The following CCNT2 variants were observed in gnomAD, a reference collection of about 807,000 sequenced individuals.
CCNT2 encodes the protein cyclin-T2.
In CCNT2, 18 loss-of-function variants were observed where a neutral mutation model predicts 70.0. The observed-to-expected ratio is 0.26, with a 90% confidence interval of 0.18 to 0.38. The LOEUF is 0.38. Among genes scored for constraint, CCNT2 ranks in the 10% least tolerant of loss-of-function variants. The pLI is 1.00. For missense variants in CCNT2, 734 were observed against 890.2 expected (o/e 0.82, Z 2.23); for synonymous variants, 334 against 313.3 (o/e 1.07, Z -0.70).
intron 5 of CCNT2, chr2:134,943,318 T>C (rs1189809487): frequency 1.9e-6 from 1 of 518,524 alleles, no homozygotes; most frequent in African/African-American, 2.1e-5. Context: ...GGAGGATGGC[T>C]TGAGCCCAGT....
At chr2:134,926,162 T>A (rs902414194) in intron 2 of CCNT2, among the ~76,000 whole-genome samples, 1 of 152,168 alleles carries the variant, frequency 6.6e-6, no homozygotes, top group Non-Finnish European at 1.5e-5. Context: ...CAGTGTGATT[T>A]GTCACTTTAA....
intron 2 of CCNT2, among the ~76,000 whole-genome samples, chr2:134,923,845 G>A (rs532523339): frequency 1.3e-5 from 2 of 152,084 alleles, no homozygotes; most frequent in Non-Finnish European, 2.9e-5. Flanking sequence ...ACTTTTTCCT[G>A]TTCTAGTATA....
At chr2:134,926,634 G>A (rs1204612700) in intron 2 of CCNT2, among the ~76,000 whole-genome samples, 2 of 152,230 alleles carry the variant, frequency 1.3e-5, no homozygotes, top group East Asian at 3.9e-4. Context: ...TCCAGTGAAT[G>A]TCTTTTGGCT....
chr2:134,952,177 G>C (rs1559113998), intron 7 of CCNT2, among the ~76,000 whole-genome samples: 1 of 152,190 alleles, frequency 6.6e-6, no homozygotes, highest in Non-Finnish European at 1.5e-5. Context: ...TATCCTTAAA[G>C]TGGTTTCTGC....
At position 134,957,193 on chromosome 2, in the gene CCNT2, A is replaced by G. The variant is rs1269198173; in HGVS notation, c.*2545A>G. 1 of 152,154 alleles carries G rather than the reference A, an allele frequency of 6.6e-6. No individual in the cohort carries two copies. Among genetic ancestry groups the G allele is most frequent in the African/African-American group, 2.4e-5 (1 of 41,442 alleles). The allele number at this position is 152,154 out of a possible 1,614,324, so 9.4% of individuals were successfully genotyped here. A position where few individuals can be genotyped will look rare whatever the true frequency, so the allele number is the denominator to read the frequency against. On this transcript the variant is annotated 3_prime_UTR_variant, in exon 9 of 9. Coordinates refer to ENST00000264157, the MANE Select transcript of CCNT2 (RefSeq NM_058241.3). ...ATCCATCTCATTTGCATAACAGTTC[A>G]TCTGTCTGGTCCCATTAGGCTCTAC...
chr2:134,943,057 A>G lies in CCNT2; in HGVS notation c.493+383A>G, dbSNP rs747006288. ...CTTTGACTTTTTGAAAAGTGATAAC[A>G]GTTGAAGAATTTTGAGGCCAACCTC... On this transcript the variant is annotated intron_variant, in intron 5 of 8. Transcript: ENST00000264157. 1.1e-5 allele frequency: 11 copies of G among 985,260 alleles called. No homozygotes were observed. In the African/African-American group the frequency reaches 1.9e-4, roughly 17 times the overall value. 61.0% of individuals were successfully genotyped at this position (985,260 alleles called of 1,614,324 possible). A position where few individuals can be genotyped will look rare whatever the true frequency, so the allele number is the denominator to read the frequency against.
chr2:134,918,852 G>C lies in CCNT2; in HGVS notation c.-3G>C. 6.2e-7 allele frequency: 1 copy of C among 1,612,224 alleles called. No individual in the cohort carries two copies. The highest frequency in any genetic ancestry group is 8.5e-7 in the Non-Finnish European group (1 of 1,178,938). ...TGAAGGAGCGGGCGGAGGAGGAAGT[G>C]TCATGGCGTCGGGCCGTGGAGCTTC... On this transcript the variant is annotated 5_prime_UTR_variant, in exon 1 of 9. Coordinates refer to ENST00000264157, the MANE Select transcript of CCNT2 (RefSeq NM_058241.3).
intron 2 of CCNT2, among the ~76,000 whole-genome samples, chr2:134,927,058 C>T (rs985414225): frequency 3.3e-5 from 5 of 152,186 alleles, no homozygotes; most frequent in Non-Finnish European, 5.9e-5. Flanking sequence ...GAATAAATCA[C>T]TTGAAGTTTC....
chr2:134,922,340 A>G (rs1559087022), intron 2 of CCNT2, among the ~76,000 whole-genome samples: 1 of 152,366 alleles, frequency 6.6e-6, no homozygotes, highest in East Asian at 1.9e-4. Flanking sequence ...ATATTTTTAA[A>G]TGTTCAGGTG....
chr2:134,925,435 A>G (rs1008597839), intron 2 of CCNT2, among the ~76,000 whole-genome samples: 1 of 152,102 alleles, frequency 6.6e-6, no homozygotes, highest in African/African-American at 2.4e-5. Context: ...TCACTACACC[A>G]AAAAGAAACC....
At chr2:134,938,479 C>G (rs1681332197) in intron 3 of CCNT2, among the ~76,000 whole-genome samples, 1 of 152,044 alleles carries the variant, frequency 6.6e-6, no homozygotes, top group African/African-American at 2.4e-5. Flanking sequence ...ATTTATGTCC[C>G]CGTGGGTATG....
intron 2 of CCNT2, among the ~76,000 whole-genome samples, chr2:134,933,503 G>T (rs1359153844): frequency 6.6e-6 from 1 of 152,132 alleles, no homozygotes; most frequent in Non-Finnish European, 1.5e-5. Context: ...AGAAAAAATG[G>T]AGAAGGAAGG....
Position 134,954,796 on chromosome 2 carries a change from AAGAAG to A in CCNT2, c.*152_*156del. ...GTGCTGCTTTATTCTTCATTCTGAA[AAGAAG>A]AGATTATAGTAAACAAGTCTTTATC... On this transcript the variant is annotated 3_prime_UTR_variant, in exon 9 of 9. Transcript: ENST00000264157. 1.7e-6 allele frequency: 1 copy of A among 602,934 alleles called. No homozygotes were observed. The highest frequency in any genetic ancestry group is 2.9e-6 in the Non-Finnish European group (1 of 339,344). The allele number at this position is 602,934 out of a possible 1,614,324, so 37.3% of individuals were successfully genotyped here.
At chr2:134,935,182 T>C (rs1402442799) in intron 2 of CCNT2, among the ~76,000 whole-genome samples, 1 of 152,252 alleles carries the variant, frequency 6.6e-6, no homozygotes, top group Non-Finnish European at 1.5e-5. Flanking sequence ...TTCTCAATTT[T>C]TCTAATCCTT....
In CCNT2 at chr2:134,946,962, A is replaced by G. The variant is rs114662080; in HGVS notation, c.540-774A>G. On this transcript the variant is annotated intron_variant, in intron 6 of 8. Coordinates refer to ENST00000264157, the MANE Select transcript of CCNT2 (RefSeq NM_058241.3). ...TTTATTTACAATTTCACATTGGCAA[A>G]TACTGCTATATTTTCTCAAATATCT... Among the ~76,000 whole-genome samples the G allele has an allele frequency of 4.3e-3, 658 of 152,316 alleles. 5 individuals carry two copies. Among genetic ancestry groups the G allele is most frequent in the South Asian group, 5.0e-3 (24 of 4,828 alleles).
rs770175898 is a variant in CCNT2, at chr2:134,954,177, G to C, written c.1722G>C (p.Lys574Asn). The change falls in exon 9 of 9, where the codon AAG (lysine) becomes AAC (asparagine). Residue 574 changes from lysine (K) to asparagine (N), a missense_variant. Around this residue, in one of 3 missense-constraint regions of CCNT2, gnomAD observed 532 missense variants for 556.9 expected, o/e 0.96. Coordinates refer to ENST00000264157, the MANE Select transcript of CCNT2 (RefSeq NM_058241.3). ...PSSRHHTSSH[K>N]HSHSHSGSSS... ...GCCGCCACCACACCAGCAGCCACAA[G>C]CATTCCCACTCGCATAGTGGCAGCA... 45 of 1,614,052 alleles carry C rather than the reference G, an allele frequency of 2.8e-5. No homozygotes were observed. Among genetic ancestry groups the C allele is most frequent in the Non-Finnish European group, 3.6e-5 (43 of 1,180,032 alleles).
intron 7 of CCNT2, among the ~76,000 whole-genome samples, chr2:134,951,828 A>G (rs1457290363): frequency 6.6e-6 from 1 of 152,236 alleles, no homozygotes; most frequent in Non-Finnish European, 1.5e-5. Context: ...TAACTAAACC[A>G]CAGATGTTAT....
At chr2:134,944,527 A>G in intron 5 of CCNT2, 1 of 968,448 alleles carries the variant, frequency 1.0e-6, no homozygotes, top group East Asian at 1.1e-4. Flanking sequence ...GTTTACTTGA[A>G]AAATGAAATA....
At chr2:134,935,332 A>G (rs1278559889) in intron 2 of CCNT2, among the ~76,000 whole-genome samples, 2 of 152,232 alleles carry the variant, frequency 1.3e-5, no homozygotes, top group Non-Finnish European at 2.9e-5. Context: ...CCAGAAGGAA[A>G]ACTTCTTAAA....
Sources: allele counts gnomAD v4.1 joint callset (sites outside exome capture counted in the v4.1 genomes callset), GRCh38; gene constraint gnomAD v4.1.1; regional missense constraint gnomAD v4.1.1; transcripts MANE v1.5; gene names NCBI Gene and HGNC (gene_info 2026-07-23, HGNC 2026-07-21).